FAAH2: variants seen among roughly 807,000 people sequenced by gnomAD.
The protein encoded by FAAH2 is fatty acid amide hydrolase 2.
FAAH2 carries 60 observed loss-of-function variants against 36.9 expected under a neutral mutation model. The ratio of observed to expected loss-of-function variants is 1.63; its 90% CI spans 1.32 to 2.02. FAAH2 has a LOEUF of 2.02. FAAH2 is among the 30% of genes most tolerant of loss of function. The probability of loss-of-function intolerance (pLI) is 0.00; values close to 1 mark genes in which losing one functional copy is unlikely to be tolerated. For synonymous variants in FAAH2, 214 were observed against 143.8 expected (o/e 1.49, Z -3.49); for missense variants, 689 against 397.5 (o/e 1.73, Z -6.23).
At chrX:57,209,418 CT>C in the FAAH2 span, among the ~76,000 whole-genome samples, 1 of 111,558 alleles carries the variant, frequency 9.0e-6, no homozygotes, top group African/African-American at 3.3e-5. Context: ...GGACTGCATC[CT>C]TCCCTTCGTG....
chrX:57,330,006 A>G (rs2053352950), intron 3 of FAAH2, among the ~76,000 whole-genome samples: 1 of 111,475 alleles, frequency 9.0e-6, no homozygotes, highest in African/African-American at 3.3e-5. Flanking sequence ...AGGAGGATGT[A>G]TGTCACCTCA....
chrX:57,191,010 T>A, the FAAH2 span, among the ~76,000 whole-genome samples: 1 of 111,595 alleles, frequency 9.0e-6, no homozygotes, highest in Non-Finnish European at 1.9e-5. Context: ...AACCCAGCCA[T>A]GAGATTACTG....
intron 7 of FAAH2, among the ~76,000 whole-genome samples, chrX:57,422,148 C>A (rs1240928518): frequency 1.8e-5 from 2 of 111,970 alleles, no homozygotes; most frequent in African/African-American, 6.5e-5. Context: ...TTTGCTCTAG[C>A]AGTGAACCCA....
chrX:57,407,385 T>C (rs1487813632), intron 7 of FAAH2, among the ~76,000 whole-genome samples: 1 of 111,735 alleles, frequency 8.9e-6, no homozygotes, highest in Admixed American at 9.5e-5. Flanking sequence ...CACATAACCA[T>C]TGAGAGTGTT....
chrX:57,221,344 C>T, the FAAH2 span, among the ~76,000 whole-genome samples: 1 of 111,476 alleles, frequency 9.0e-6, no homozygotes, highest in African/African-American at 3.3e-5. Flanking sequence ...TTTTTCTTGT[C>T]CCCCATCTGT....
the FAAH2 span, among the ~76,000 whole-genome samples, chrX:57,189,994 C>T: frequency 3.4e-3 from 385 of 111,980 alleles, 1 homozygote; most frequent in African/African-American, 0.012. Flanking sequence ...CTGCTGAAGC[C>T]GCGCCCACAG....
At chrX:57,416,616 C>T (rs933854105) in intron 7 of FAAH2, among the ~76,000 whole-genome samples, 30 of 111,975 alleles carry the variant, frequency 2.7e-4, no homozygotes, top group Admixed American at 2.5e-3. Flanking sequence ...TGATGGGCTT[C>T]TTTTTGTGGA....
intron 2 of FAAH2, among the ~76,000 whole-genome samples, chrX:57,301,229 T>C (rs1410331673): frequency 1.8e-5 from 2 of 109,895 alleles, no homozygotes; most frequent in East Asian, 5.7e-4. Flanking sequence ...CCAAAAATGA[T>C]AGACTGGATT....
the FAAH2 span, among the ~76,000 whole-genome samples, chrX:57,225,647 T>A: frequency 2.7e-5 from 3 of 112,109 alleles, no homozygotes; most frequent in Non-Finnish European, 1.9e-5. Context: ...TAGATATCTG[T>A]TAAGTCCATT....
At chrX:57,192,449 C>G in the FAAH2 span, among the ~76,000 whole-genome samples, 2 of 111,123 alleles carry the variant, frequency 1.8e-5, no homozygotes, top group African/African-American at 6.5e-5. Context: ...ATTACTTTTT[C>G]TTGTCTTATT....
At chrX:57,449,177 A>G (rs2056739132) in intron 10 of FAAH2, among the ~76,000 whole-genome samples, 1 of 111,933 alleles carries the variant, frequency 8.9e-6, no homozygotes, top group Non-Finnish European at 1.9e-5. Context: ...TCACCAAACT[A>G]ATTTTCTTCA....
the FAAH2 span, among the ~76,000 whole-genome samples, chrX:57,141,252 ATGT>A: frequency 8.9e-6 from 1 of 112,012 alleles, no homozygotes; most frequent in Admixed American, 9.4e-5. Flanking sequence ...TGATTTGTGT[ATGT>A]TGAACCATCA....
chrX:57,345,006 T>C (rs2053782887), intron 5 of FAAH2, among the ~76,000 whole-genome samples: 1 of 111,218 alleles, frequency 9.0e-6, no homozygotes, highest in South Asian at 3.8e-4. Flanking sequence ...TGTTGAAATT[T>C]TTTCTGTCTG....
intron 7 of FAAH2, among the ~76,000 whole-genome samples, chrX:57,384,161 A>G (rs1301052451): frequency 9.1e-6 from 1 of 109,968 alleles, no homozygotes; most frequent in Non-Finnish European, 1.9e-5. Context: ...TACACCTTAT[A>G]CAAAAATTAA....
chrX:57,270,306 C>A, the FAAH2 span, among the ~76,000 whole-genome samples: 1 of 111,608 alleles, frequency 9.0e-6, no homozygotes, highest in Non-Finnish European at 1.9e-5. Context: ...GAGCTGGTAC[C>A]ATTCCTATTG....
chrX:57,185,912 C>T, the FAAH2 span, among the ~76,000 whole-genome samples: 1 of 111,575 alleles, frequency 9.0e-6, no homozygotes, highest in Admixed American at 9.5e-5. Context: ...TTTTTTATGG[C>T]TGTGTAGTAT....
chrX:57,358,218 A>G (rs1287372306), intron 5 of FAAH2, among the ~76,000 whole-genome samples: 1 of 109,465 alleles, frequency 9.1e-6, no homozygotes, highest in Non-Finnish European at 1.9e-5. Context: ...ATTTAACATG[A>G]CACCTACCCT....
chrX:57,228,606 G>T, the FAAH2 span, among the ~76,000 whole-genome samples: 1 of 111,196 alleles, frequency 9.0e-6, no homozygotes, highest in Non-Finnish European at 1.9e-5. Flanking sequence ...AATTCACAAT[G>T]CAAGCCTCCG....
At chrX:57,255,679 T>C in the FAAH2 span, among the ~76,000 whole-genome samples, 1 of 112,037 alleles carries the variant, frequency 8.9e-6, no homozygotes, top group Admixed American at 9.4e-5. Context: ...AAAAACCTCA[T>C]GATTATCTCA....
Sources: allele counts gnomAD v4.1 joint callset (sites outside exome capture counted in the v4.1 genomes callset), GRCh38; gene constraint gnomAD v4.1.1; transcripts MANE v1.5; gene names NCBI Gene and HGNC (gene_info 2026-07-23, HGNC 2026-07-21).